Variants in WIPF1 observed in about 807,000 individuals in gnomAD.
WIPF1 encodes the protein WAS/WASL-interacting protein family member 1.
In WIPF1, 13 loss-of-function variants were observed where a neutral mutation model predicts 35.4. The observed-to-expected ratio is 0.37, with a 90% CI of 0.24 to 0.58. The LOEUF is 0.58. Among genes scored for constraint, WIPF1 ranks in the 20% least tolerant of loss-of-function variants. The probability of loss-of-function intolerance (pLI) is 0.74; values close to 1 mark genes in which losing one functional copy is unlikely to be tolerated. For synonymous variants in WIPF1, 267 were observed against 266.3 expected, an observed-to-expected ratio of 1.00 and a Z score of -0.02; for missense variants, 591 against 667.0, an observed-to-expected ratio of 0.89 and a Z score of 1.25.
In WIPF1 at chr2:174,562,275, C is replaced by A; in HGVS notation, c.*272G>T. 6.5e-7 allele frequency: 1 copy of A among 1,529,132 alleles called. No homozygotes were observed. Among genetic ancestry groups the A allele is most frequent in the Non-Finnish European group, 8.8e-7 (1 of 1,134,732 alleles). 94.7% of individuals were successfully genotyped at this position (1,529,132 alleles called of 1,614,324 possible). On this transcript the variant is annotated 3_prime_UTR_variant, in exon 8 of 8. Transcript: ENST00000679041. ...TGGAAAGCTGGGATGCAAGTCATCT[C>A]TGCCTATTACGACAAAAGCCTATCG...
intron 2 of WIPF1, among the ~76,000 whole-genome samples, chr2:174,584,083 C>G (rs762403394): frequency 1.3e-5 from 2 of 152,138 alleles, no homozygotes; most frequent in African/African-American, 4.8e-5. Context: ...CCAAAGTGCA[C>G]GCCTGGCCAA....
intron 1 of WIPF1, among the ~76,000 whole-genome samples, chr2:174,660,975 C>G (rs1042790657): frequency 6.6e-6 from 1 of 152,238 alleles, no homozygotes; most frequent in Non-Finnish European, 1.5e-5. Context: ...GAACTGAAGT[C>G]AAGAGGGGCG....
At chr2:174,597,307 A>C (rs1425859915) in intron 1 of WIPF1, among the ~76,000 whole-genome samples, 1 of 152,214 alleles carries the variant, frequency 6.6e-6, no homozygotes, top group African/African-American at 2.4e-5. Context: ...TTACCGACAT[A>C]AGCCCCCAAT....
intron 1 of WIPF1, among the ~76,000 whole-genome samples, chr2:174,666,401 A>C (rs1371123938): frequency 1.3e-5 from 2 of 152,186 alleles, no homozygotes; most frequent in African/African-American, 4.8e-5. Flanking sequence ...TTATTCCTAC[A>C]GTTTTTCTGT....
At chr2:174,610,841 G>T (rs1300256314) in intron 1 of WIPF1, among the ~76,000 whole-genome samples, 1 of 152,076 alleles carries the variant, frequency 6.6e-6, no homozygotes, top group African/African-American at 2.4e-5. Flanking sequence ...TTCCAGATGA[G>T]CTTCTCCAAC....
intron 1 of WIPF1, among the ~76,000 whole-genome samples, chr2:174,657,025 A>C (rs374552289): frequency 1.4e-4 from 21 of 152,340 alleles, no homozygotes; most frequent in African/African-American, 4.6e-4. Flanking sequence ...ATAATCCAGA[A>C]TATTTTCTGG....
At chr2:174,578,133 T>C (rs1402025156) in intron 3 of WIPF1, among the ~76,000 whole-genome samples, 3 of 152,318 alleles carry the variant, frequency 2.0e-5, no homozygotes, top group Non-Finnish European at 4.4e-5. Flanking sequence ...ACAGCATCCC[T>C]GGCCTCTACC....
chr2:174,651,056 C>A (rs965089571), intron 1 of WIPF1, among the ~76,000 whole-genome samples: 7 of 152,258 alleles, frequency 4.6e-5, no homozygotes, highest in African/African-American at 1.7e-4. Context: ...CACACAACTT[C>A]TCGGAAGAGA....
chr2:174,679,465 C>T (rs1401632379), intron 1 of WIPF1, among the ~76,000 whole-genome samples: 2 of 145,094 alleles, frequency 1.4e-5, no homozygotes, highest in Admixed American at 6.8e-5. Context: ...AAAAATTTGT[C>T]TCAAAAAAAA....
intron 2 of WIPF1, among the ~76,000 whole-genome samples, chr2:174,582,029 T>G (rs560221734): frequency 2.0e-5 from 3 of 152,338 alleles, no homozygotes; most frequent in Non-Finnish European, 4.4e-5. Flanking sequence ...CCCTTTTTAG[T>G]TACAGCTCTA....
chr2:174,602,096 T>C (rs1007333250), upstream of WIPF1, among the ~76,000 whole-genome samples: 6 of 152,222 alleles, frequency 3.9e-5, no homozygotes, highest in African/African-American at 1.2e-4. Context: ...TTAAAGAGAA[T>C]TTTAAATGCG....
intron 1 of WIPF1, among the ~76,000 whole-genome samples, chr2:174,657,558 G>A (rs1687669517): frequency 6.6e-6 from 1 of 152,010 alleles, no homozygotes; most frequent in African/African-American, 2.4e-5. Context: ...AACTGAACAT[G>A]AACTCCTTTC....
At chr2:174,574,750 G>T in intron 4 of WIPF1, 1 of 643,972 alleles carries the variant, frequency 1.6e-6, no homozygotes, top group Non-Finnish European at 2.8e-6. Flanking sequence ...CACTTTTTCA[G>T]ATTTAGTGAG....
intron 1 of WIPF1, among the ~76,000 whole-genome samples, chr2:174,611,519 G>A (rs764439184): frequency 2.0e-5 from 3 of 152,140 alleles, no homozygotes; most frequent in Non-Finnish European, 4.4e-5. Flanking sequence ...AGGAGGAGGA[G>A]GGAGGGTCGT....
intron 1 of WIPF1, among the ~76,000 whole-genome samples, chr2:174,680,418 T>C (rs1282527476): frequency 6.6e-6 from 1 of 152,184 alleles, no homozygotes; most frequent in Non-Finnish European, 1.5e-5. Context: ...GAGCTTTGTG[T>C]GGAAACCATT....
chr2:174,562,127 T>C lies in WIPF1; in HGVS notation c.*420A>G. On this transcript the variant is annotated 3_prime_UTR_variant, in exon 8 of 8. Transcript: ENST00000679041. Reference sequence around the variant, plus strand: ...TACTCAGCAGCTTGCTTAGGTGGTCTGTGGTTCATAGAAACAGAGAGGAGG... The same window carrying C: ...TACTCAGCAGCTTGCTTAGGTGGTCCGTGGTTCATAGAAACAGAGAGGAGG... 7 of 1,550,660 alleles carry C rather than the reference T, an allele frequency of 4.5e-6. No individual in the cohort carries two copies. Among genetic ancestry groups the C allele is most frequent in the Non-Finnish European group, 6.1e-6 (7 of 1,147,012 alleles).
Position 174,661,843 on chromosome 2 carries a change from T to G in WIPF1, c.-39+20931A>C, listed in dbSNP as rs536362484. ...ACCACCTTGGAGAGCTGGGTTCAAC[T>G]CCATGGGTCACTGGGTGTGTGGTGT... is the stretch of plus-strand genomic sequence containing the variant. On this transcript the variant is annotated intron_variant, in intron 1 of 8. Coordinates refer to the WIPF1 transcript ENST00000272746. 3.3e-5 allele frequency among the ~76,000 whole-genome samples: 5 copies of G among 152,294 alleles called. No homozygotes were observed. The South Asian group carries it at 1.0e-3, about 32-fold the overall frequency.
In WIPF1 at chr2:174,575,928, G is replaced by C. The variant is rs74563121; in HGVS notation, c.182-548C>G. 3.2e-4 allele frequency among the ~76,000 whole-genome samples: 49 copies of C among 152,014 alleles called. No individual in the cohort carries two copies. In the South Asian group the frequency reaches 1.0e-2, roughly 31 times the overall value. The stretch of plus-strand genomic sequence containing the variant: ...AGAAAGGAAAGAGTTAAAAAGAAAA[G>C]AAAATAAAATATCTCATAATTTCAC... On this transcript the variant is annotated intron_variant, in intron 3 of 7. Coordinates refer to ENST00000679041, the MANE Select transcript of WIPF1 (RefSeq NM_001375834.1).
In WIPF1 at chr2:174,562,612, A is replaced by C. The variant is rs764189028; in HGVS notation, c.1457-10T>G. The C allele has an allele frequency of 6.2e-7, 1 of 1,614,040 alleles. No individual in the cohort carries two copies. Among genetic ancestry groups the C allele is most frequent in the African/African-American group, 1.3e-5 (1 of 75,050 alleles). On this transcript the variant is annotated splice_polypyrimidine_tract_variant and intron_variant, in intron 7 of 7. Transcript: ENST00000679041. Reference sequence around the variant, plus strand: ...CTTCGGTTGGATCCACCTTGGTGAAAAAACAGACAAAATATAATTTTGGTT... The same window carrying C: ...CTTCGGTTGGATCCACCTTGGTGAACAAACAGACAAAATATAATTTTGGTT...
Sources: gnomAD v4.1 joint callset for allele counts (sites outside exome capture counted in the v4.1 genomes callset) on GRCh38, gnomAD v4.1.1 for gene constraint, MANE v1.5 for transcripts, NCBI Gene and HGNC (gene_info 2026-07-23, HGNC 2026-07-21) for gene names.